The following XKR9 variants were observed in gnomAD, a reference collection of about 807,000 sequenced individuals.
The protein encoded by XKR9 is XK related 9, also known as XK-related protein 9.
XKR9 carries 32 observed loss-of-function variants against 32.0 expected under a neutral mutation model. That is an observed-to-expected ratio of 1.00 (90% CI 0.76 to 1.34). XKR9 has a LOEUF of 1.34. Among genes scored for constraint, XKR9 ranks in the 40% most tolerant of loss-of-function variants. The pLI is 0.00. For missense variants in XKR9, 546 were observed against 429.7 expected (o/e 1.27, Z -2.39); for synonymous variants, 168 against 143.4 (o/e 1.17, Z -1.22).
At chr8:70,999,762 T>C in the XKR9 span, among the ~76,000 whole-genome samples, 1 of 152,300 alleles carries the variant, frequency 6.6e-6, no homozygotes, top group East Asian at 1.9e-4. Flanking sequence ...CGTGATCAGT[T>C]TTAAACTCCA....
the XKR9 span, among the ~76,000 whole-genome samples, chr8:70,851,369 A>C: frequency 6.6e-6 from 1 of 152,248 alleles, no homozygotes; most frequent in Non-Finnish European, 1.5e-5. Context: ...AAAATAATTT[A>C]TAGATTCAAT....
the XKR9 span, among the ~76,000 whole-genome samples, chr8:70,924,906 G>A: frequency 1.3e-5 from 2 of 152,280 alleles, no homozygotes; most frequent in East Asian, 3.9e-4. Flanking sequence ...GTCACTTGAA[G>A]GATTAAAAGA....
chr8:70,925,420 G>A, the XKR9 span, among the ~76,000 whole-genome samples: 2 of 152,130 alleles, frequency 1.3e-5, no homozygotes, highest in African/African-American at 4.8e-5. Context: ...CTATACATGT[G>A]GCAATCAGAA....
chr8:71,038,511 G>A, the XKR9 span, among the ~76,000 whole-genome samples: 19 of 150,850 alleles, frequency 1.3e-4, no homozygotes, highest in African/African-American at 4.6e-4. Context: ...AGTAGAGATG[G>A]GGTTTCACCA....
chr8:70,897,446 A>G, the XKR9 span, among the ~76,000 whole-genome samples: 2 of 152,122 alleles, frequency 1.3e-5, no homozygotes, highest in African/African-American at 4.8e-5. Context: ...TAGTTTTTTG[A>G]GAAACCTCTG....
chr8:70,945,964 G>C, the XKR9 span, among the ~76,000 whole-genome samples: 6 of 151,932 alleles, frequency 3.9e-5, no homozygotes, highest in Admixed American at 3.9e-4. Context: ...GTGAAACCCC[G>C]TCTCTACCAA....
chr8:71,015,724 T>G, the XKR9 span, among the ~76,000 whole-genome samples: 1 of 152,038 alleles, frequency 6.6e-6, no homozygotes, highest in South Asian at 2.1e-4. Flanking sequence ...TAAATTAAAG[T>G]GCTAAGACTG....
At chr8:70,781,453 C>T (rs115963781) in intron 2 of XKR9, among the ~76,000 whole-genome samples, 1,658 of 150,478 alleles carry the variant, frequency 0.011, 38 homozygotes, top group African/African-American at 0.038. Context: ...GGTGATATTC[C>T]GATACATGTA....
In XKR9 at chr8:70,697,669, G is replaced by A. The variant is rs1428744116; in HGVS notation, c.273-9264G>A. Among the ~76,000 whole-genome samples, 89 of 151,628 alleles carry A rather than the reference G, an allele frequency of 5.9e-4. 1 individual carries two copies. The highest frequency in any genetic ancestry group is 2.1e-3 in the African/African-American group (87 of 41,076). ...TCTTTTTTGGTTGTGTCTCTGCCCG[G>A]CTTTGGTATCCGGATGATGCTGGCC... On this transcript the variant is annotated intron_variant, in intron 3 of 4. Coordinates refer to ENST00000408926, the MANE Select transcript of XKR9 (RefSeq NM_001011720.2).
intron 2 of XKR9, among the ~76,000 whole-genome samples, chr8:70,787,433 C>T (rs1018576536): frequency 2.0e-5 from 3 of 152,020 alleles, no homozygotes; most frequent in African/African-American, 4.8e-5. Context: ...TTGGAAATAT[C>T]ATCATGGATA....
At chr8:70,718,284 TC>T (rs1293673342) in intron 4 of XKR9, among the ~76,000 whole-genome samples, 8 of 150,744 alleles carry the variant, frequency 5.3e-5, no homozygotes, top group Non-Finnish European at 7.4e-5. Flanking sequence ...ATTTTATTAA[TC>T]TATTTATTTA....
chr8:70,966,818 A>T, the XKR9 span, among the ~76,000 whole-genome samples: 2 of 152,118 alleles, frequency 1.3e-5, no homozygotes, highest in Non-Finnish European at 1.5e-5. Flanking sequence ...TTGCGTGCAT[A>T]TATATTTAGA....
chr8:70,972,635 C>G, the XKR9 span, among the ~76,000 whole-genome samples: 1 of 152,024 alleles, frequency 6.6e-6, no homozygotes, highest in Non-Finnish European at 1.5e-5. Context: ...CAAGTTATGT[C>G]CCTTCTATGC....
intron 3 of XKR9, chr8:70,789,993 T>C (rs569290431): frequency 6.6e-6 from 1 of 151,704 alleles, no homozygotes; most frequent in African/African-American, 2.4e-5. Flanking sequence ...TCTCCAGAGA[T>C]AAGAACAGCT....
chr8:70,926,258 A>G, the XKR9 span, among the ~76,000 whole-genome samples: 1 of 152,056 alleles, frequency 6.6e-6, no homozygotes, highest in Non-Finnish European at 1.5e-5. Context: ...TTTAGTAGAG[A>G]TGGTGTTTCA....
At chr8:70,800,178 T>C in the XKR9 span, among the ~76,000 whole-genome samples, 1 of 152,354 alleles carries the variant, frequency 6.6e-6, no homozygotes, top group African/African-American at 2.4e-5. Context: ...GATTTACATA[T>C]GTTGAACCGA....
the XKR9 span, among the ~76,000 whole-genome samples, chr8:70,982,376 ATAGC>A: frequency 6.6e-6 from 1 of 152,068 alleles, no homozygotes; most frequent in African/African-American, 2.4e-5. Context: ...GTTGTGGGGG[ATAGC>A]AGTGTGGTTC....
At chr8:71,056,939 T>C in the XKR9 span, among the ~76,000 whole-genome samples, 4 of 152,226 alleles carry the variant, frequency 2.6e-5, no homozygotes, top group Admixed American at 2.0e-4. Context: ...ATCTTACTTA[T>C]TATCCTGAAT....
the XKR9 span, among the ~76,000 whole-genome samples, chr8:71,016,624 T>G: frequency 2.0e-5 from 3 of 152,198 alleles, no homozygotes; most frequent in South Asian, 6.2e-4. Flanking sequence ...CAAATCCAGT[T>G]TGACACAAAA....
Sources: allele counts gnomAD v4.1 joint callset (sites outside exome capture counted in the v4.1 genomes callset), GRCh38; gene constraint gnomAD v4.1.1; transcripts MANE v1.5; gene names NCBI Gene and HGNC (gene_info 2026-07-23, HGNC 2026-07-21).